Variants in RAD52 observed in about 807,000 individuals in gnomAD.
RAD52 encodes RAD52 DNA repair protein, also known as DNA repair protein RAD52 homolog.
In RAD52, 47 loss-of-function variants were observed where a neutral mutation model predicts 55.5. The ratio of observed to expected loss-of-function variants is 0.85; its 90% CI spans 0.67 to 1.08. The LOEUF (loss-of-function observed/expected upper bound fraction) is 1.08, where lower values mean the gene tolerates loss of function less well. RAD52 is among the 50% of genes least tolerant of loss of function. The pLI is 0.00. For missense variants in RAD52, 468 were observed against 522.8 expected, an observed-to-expected ratio of 0.90 and a Z score of 1.02; for synonymous variants, 184 against 198.9, an observed-to-expected ratio of 0.92 and a Z score of 0.63.
chr12:928,487 A>G (rs1957158749), intron 5 of RAD52, among the ~76,000 whole-genome samples: 1 of 152,078 alleles, frequency 6.6e-6, no homozygotes, highest in African/African-American at 2.4e-5. Context: ...ATTGCCCTCC[A>G]GCCTGGGCAA....
At chr12:959,849 A>C (rs1157809932) in intron 1 of RAD52, among the ~76,000 whole-genome samples, 2 of 152,092 alleles carry the variant, frequency 1.3e-5, no homozygotes, top group African/African-American at 4.8e-5. Flanking sequence ...CTGAAGTTTC[A>C]CCCTTTACAT....
At chr12:963,133 G>A (rs1381310869) in intron 1 of RAD52, among the ~76,000 whole-genome samples, 1 of 151,994 alleles carries the variant, frequency 6.6e-6, no homozygotes, top group Non-Finnish European at 1.5e-5. Context: ...TTGAAGAAAA[G>A]TTTTCATTTA....
In RAD52 at chr12:933,048, G is replaced by A. The variant is rs1166295836; in HGVS notation, c.11C>T (p.Thr4Ile). Reference sequence around the variant, plus strand: ...ACGTCCTCCAAGAATTGCTTCCTCAGTCCCAGACATCTTGATTCTGGTTGA... The same window carrying A: ...ACGTCCTCCAAGAATTGCTTCCTCAATCCCAGACATCTTGATTCTGGTTGA... Reference protein sequence around the residue: MSGTEEAILGGRDS... With the variant: MSGIEEAILGGRDS... The change falls in exon 2 of 12, where the codon ACT becomes ATT. Residue 4 changes from threonine (T) to isoleucine (I), a missense_variant. Physicochemically the swap from Thr to Ile is moderately conservative, Grantham distance 89. Coordinates refer to ENST00000358495, the MANE Select transcript of RAD52 (RefSeq NM_134424.4). 1.2e-6 allele frequency: 2 copies of A among 1,613,184 alleles called. No individual in the cohort carries two copies. The highest frequency in any genetic ancestry group is 2.7e-5 in the African/African-American group (2 of 74,840).
upstream of RAD52, among the ~76,000 whole-genome samples, chr12:951,631 C>T (rs1958529975): frequency 6.6e-6 from 1 of 152,022 alleles, no homozygotes; most frequent in South Asian, 2.1e-4. Context: ...TTAATTTTAC[C>T]TGTCTTTTCA....
At chr12:938,943 C>T (rs1479867490) in intron 1 of RAD52, among the ~76,000 whole-genome samples, 3 of 151,792 alleles carry the variant, frequency 2.0e-5, no homozygotes, top group Admixed American at 1.3e-4. Flanking sequence ...ATAATTATAT[C>T]GTGATTCTGT....
chr12:929,144 G>A (rs981571433), intron 5 of RAD52, among the ~76,000 whole-genome samples: 2 of 152,114 alleles, frequency 1.3e-5, no homozygotes, highest in African/African-American at 2.4e-5. Context: ...GGGGTTACAC[G>A]AATGAGCCAC....
intron 1 of RAD52, among the ~76,000 whole-genome samples, chr12:960,442 C>T (rs1450016082): frequency 6.6e-6 from 1 of 152,114 alleles, no homozygotes; most frequent in Admixed American, 6.6e-5. Flanking sequence ...AAGACAGAGG[C>T]AGGAGCAGGT....
In RAD52 at chr12:959,299, T is replaced by A. The variant is rs75455218; in HGVS notation, c.-18-26223A>T. On this transcript the variant is annotated intron_variant, in intron 1 of 11. Transcript: ENST00000430095. ...GGCTGATTGCAGTGCCTCTTAGCTA[T>A]ACTACCTTATTATGGTTAAATCTAT... Among the ~76,000 whole-genome samples the A allele has an allele frequency of 3.3e-3, 509 of 152,340 alleles. 5 individuals are homozygous for A. Among genetic ancestry groups the A allele is most frequent in the African/African-American group, 0.012 (485 of 41,574 alleles).
At chr12:934,848 C>T (rs566260094) in intron 1 of RAD52, among the ~76,000 whole-genome samples, 2 of 152,138 alleles carry the variant, frequency 1.3e-5, no homozygotes, top group African/African-American at 4.8e-5. Context: ...TGTGGTGGCT[C>T]ACACCTGTAA....
chr12:970,205 G>A (rs1202573246), intron 1 of RAD52, among the ~76,000 whole-genome samples: 4 of 151,454 alleles, frequency 2.6e-5, no homozygotes, highest in Non-Finnish European at 5.9e-5. Flanking sequence ...TACCTGGGTG[G>A]GGCAGGGGGG....
chr12:920,517 G>A (rs1171707177), intron 7 of RAD52, among the ~76,000 whole-genome samples: 1 of 147,632 alleles, frequency 6.8e-6, no homozygotes, highest in Non-Finnish European at 1.5e-5. Flanking sequence ...AGATCGCACC[G>A]CCACTGCACT....
At chr12:922,599 A>C (rs1315237971) in intron 7 of RAD52, among the ~76,000 whole-genome samples, 4 of 152,226 alleles carry the variant, frequency 2.6e-5, no homozygotes, top group African/African-American at 9.6e-5. Flanking sequence ...AAAGGCATTA[A>C]TGCTAGCTAA....
intron 1 of RAD52, among the ~76,000 whole-genome samples, chr12:986,934 A>T (rs1484945391): frequency 6.6e-6 from 1 of 151,472 alleles, no homozygotes; most frequent in Non-Finnish European, 1.5e-5. Flanking sequence ...TTTCTCCCTC[A>T]TTTTGCTTGA....
intron 1 of RAD52, among the ~76,000 whole-genome samples, chr12:940,533 G>A (rs1406843358): frequency 6.6e-6 from 1 of 151,928 alleles, no homozygotes; most frequent in African/African-American, 2.4e-5. Context: ...GGAGGCAGAG[G>A]TAGCAGTGAG....
In RAD52 at chr12:916,658, C is replaced by T. The variant is rs2154108805; in HGVS notation, c.706G>A (p.Asp236Asn). 6.2e-7 allele frequency: 1 copy of T among 1,613,824 alleles called. No individual in the cohort carries two copies. The change falls in exon 8 of 12, where the codon GAC (aspartate) becomes AAC (asparagine). Residue 236 changes from aspartate (D) to asparagine (N), a missense_variant. Coordinates refer to ENST00000358495, the MANE Select transcript of RAD52 (RefSeq NM_134424.4). ...GCATACCGGGAGCTGCAGTCCTGGT[C>T]CGCCGGTATCACAGCATGGCTGGGT... The part of the protein sequence containing the change: ...SRPSHAVIPA[D>N]QDCSSRSLSS...
At chr12:926,877 G>A (rs779033681) in intron 6 of RAD52, 10 of 1,536,242 alleles carry the variant, frequency 6.5e-6, no homozygotes, top group Admixed American at 3.9e-5. Flanking sequence ...GAAGGCCTCC[G>A]GCACACATGA....
intron 1 of RAD52, among the ~76,000 whole-genome samples, chr12:980,816 G>T (rs1321670166): frequency 2.6e-5 from 4 of 152,052 alleles, no homozygotes; most frequent in Non-Finnish European, 5.9e-5. Context: ...GGCTAGGGCT[G>T]CCATAACAAA....
rs1328710283 is a variant in RAD52, at chr12:919,748, CT to C, written c.544-2929del. Among the ~76,000 whole-genome samples the C allele has an allele frequency of 2.1e-5, 2 of 93,914 alleles. 1 individual carries two copies. Among genetic ancestry groups the C allele is most frequent in the Non-Finnish European group, 4.3e-5 (2 of 47,026 alleles). 61.6% of individuals were successfully genotyped at this position (93,914 alleles called of 152,430 possible). A position where few individuals can be genotyped will look rare whatever the true frequency, so the allele number is the denominator to read the frequency against. Reference sequence around the variant, plus strand: ...CCTGGGCGACAGAGCAAGACTCTGTCTAAAAAAAAAAAAAAAAATCTGGGCT... The same window carrying C: ...CCTGGGCGACAGAGCAAGACTCTGTCAAAAAAAAAAAAAAAAATCTGGGCT... On this transcript the variant is annotated intron_variant, in intron 7 of 11. Transcript: ENST00000358495.
At chr12:950,558 C>A (rs1287062872), upstream of RAD52, among the ~76,000 whole-genome samples, 2 of 121,938 alleles carry the variant, frequency 1.6e-5, no homozygotes, top group Non-Finnish European at 3.3e-5. Flanking sequence ...GGCGACAGAG[C>A]GAGGCTCCGT....
Sources: gnomAD v4.1 joint callset for allele counts (sites outside exome capture counted in the v4.1 genomes callset) on GRCh38, gnomAD v4.1.1 for gene constraint, MANE v1.5 for transcripts, NCBI Gene and HGNC (gene_info 2026-07-23, HGNC 2026-07-21) for gene names.